Variants in TTC6 observed in about 807,000 individuals in gnomAD.
TTC6 encodes tetratricopeptide repeat domain 6.
Under a neutral mutation model 210.4 loss-of-function variants are expected in TTC6, and 172 were observed. That is an observed-to-expected ratio of 0.82 (90% CI 0.72 to 0.93). TTC6 has a LOEUF of 0.93. Ranked by LOEUF, TTC6 falls within the 40% of genes least tolerant of loss-of-function variation. The pLI is 0.00. For synonymous variants in TTC6, 804 were observed against 819.6 expected (o/e 0.98, Z 0.32); for missense variants, 2,414 against 2,318.1 (o/e 1.04, Z -0.85).
At chr14:37,611,990 A>ATT (rs1209014023) in intron 2 of TTC6, among the ~76,000 whole-genome samples, 1 of 133,948 alleles carries the variant, frequency 7.5e-6, no homozygotes, top group African/African-American at 2.8e-5. Flanking sequence ...GGAGATCAAT[A>ATT]GTTTTTTTTT....
intron 14 of TTC6, among the ~76,000 whole-genome samples, chr14:37,765,801 T>C (rs73254842): frequency 0.057 from 8,706 of 152,212 alleles, 560 homozygotes; most frequent in East Asian, 0.17. Context: ...TTTTGAAGGC[T>C]AGTTTGCCAG....
At chr14:37,624,718 TTC>T (rs2095657273) in intron 1 of TTC6, among the ~76,000 whole-genome samples, 1 of 151,988 alleles carries the variant, frequency 6.6e-6, no homozygotes, top group Admixed American at 6.6e-5. Context: ...ACCTCCTGGG[TTC>T]ACGCCATTCT....
At chr14:37,762,587 T>C (rs2095987670) in intron 14 of TTC6, among the ~76,000 whole-genome samples, 1 of 152,178 alleles carries the variant, frequency 6.6e-6, no homozygotes, top group Non-Finnish European at 1.5e-5. Flanking sequence ...TACCTGTTGG[T>C]CATTTATATG....
chr14:37,656,215 G>A lies in TTC6; in HGVS notation c.940-23936G>A, dbSNP rs141317799. Among the ~76,000 whole-genome samples, 546 of 152,238 alleles carry A rather than the reference G, an allele frequency of 3.6e-3. 4 individuals carry two copies. The highest frequency in any genetic ancestry group is 0.013 in the African/African-American group (525 of 41,544). On this transcript the variant is annotated intron_variant, in intron 1 of 30. Transcript: ENST00000553443. Reference sequence around the variant, plus strand: ...GAAGACAAATTTTCTTTTGTGAATGGCAAGTGGTCTCTGAAGTCAATTCCA... The same window carrying A: ...GAAGACAAATTTTCTTTTGTGAATGACAAGTGGTCTCTGAAGTCAATTCCA...
At chr14:37,707,344 T>TTTC (rs2095837395) in intron 5 of TTC6, among the ~76,000 whole-genome samples, 1 of 152,040 alleles carries the variant, frequency 6.6e-6, no homozygotes, top group South Asian at 2.1e-4. Flanking sequence ...TTGAGTAATG[T>TTTC]TTCTATTCTA....
chr14:37,669,567 C>A (rs1255758259), intron 1 of TTC6, among the ~76,000 whole-genome samples: 3 of 152,002 alleles, frequency 2.0e-5, no homozygotes, highest in Non-Finnish European at 4.4e-5. Context: ...TCTCTTACGA[C>A]ATGTATTATT....
At chr14:37,773,674 T>G (rs771270821) in intron 14 of TTC6, among the ~76,000 whole-genome samples, 1 of 152,184 alleles carries the variant, frequency 6.6e-6, no homozygotes, top group Non-Finnish European at 1.5e-5. Context: ...GTAGTATAGT[T>G]TCAAAATGGG....
exon 6 of TTC6, chr14:37,714,749 A>G: frequency 6.5e-7 from 1 of 1,535,650 alleles, no homozygotes; most frequent in East Asian, 2.4e-5. Flanking sequence ...GGCACAAGGA[A>G]CTAGAGAGCG....
At chr14:37,826,070 G>T in intron 27 of TTC6, 125 bp from the exon 30 acceptor site, 2 of 1,005,708 alleles carry the variant, frequency 2.0e-6, no homozygotes, top group Non-Finnish European at 2.8e-6. Context: ...TGGTTTGAAA[G>T]AACTTAGATT....
At chr14:37,771,977 T>G (rs1232992663) in intron 14 of TTC6, among the ~76,000 whole-genome samples, 1 of 152,032 alleles carries the variant, frequency 6.6e-6, no homozygotes, top group Non-Finnish European at 1.5e-5. Flanking sequence ...TACAGATGGG[T>G]TTTTGGTGTG....
intron 15 of TTC6, among the ~76,000 whole-genome samples, chr14:37,790,155 A>G (rs559502167): frequency 3.9e-5 from 6 of 152,180 alleles, no homozygotes; most frequent in East Asian, 1.9e-4. Context: ...TGGGATGTGC[A>G]TAGTCAAGCC....
intron 7 of TTC6, among the ~76,000 whole-genome samples, chr14:37,729,756 T>C (rs1663485709): frequency 6.6e-6 from 1 of 152,190 alleles, no homozygotes; most frequent in South Asian, 2.1e-4. Flanking sequence ...CGTCTACTTC[T>C]ACTTGAGCTG....
chr14:37,677,990 G>A (rs986286083), intron 1 of TTC6, among the ~76,000 whole-genome samples: 1 of 151,976 alleles, frequency 6.6e-6, no homozygotes, highest in African/African-American at 2.4e-5. Context: ...ATTCTGAAAT[G>A]TATATCATTT....
intron 1 of TTC6, among the ~76,000 whole-genome samples, chr14:37,653,781 G>T (rs1042971723): frequency 2.8e-4 from 43 of 152,212 alleles, no homozygotes; most frequent in African/African-American, 9.9e-4. Flanking sequence ...AAAATAATAA[G>T]AAAATATTTA....
intron 9 of TTC6, 35 bp from the exon 12 acceptor site, chr14:37,738,741 T>G: frequency 1.4e-6 from 2 of 1,413,214 alleles, no homozygotes; most frequent in Non-Finnish European, 1.8e-6. Flanking sequence ...TAAATTGATT[T>G]TACGTTTTTT....
chr14:37,670,852 A>G (rs192122113), intron 1 of TTC6, among the ~76,000 whole-genome samples: 4 of 152,300 alleles, frequency 2.6e-5, no homozygotes, highest in Admixed American at 1.3e-4. Flanking sequence ...ATAATAGGTA[A>G]TAATGAAGAA....
At chr14:37,724,060 A>G (rs1291731461) in intron 6 of TTC6, among the ~76,000 whole-genome samples, 1 of 152,178 alleles carries the variant, frequency 6.6e-6, no homozygotes, top group Non-Finnish European at 1.5e-5. Flanking sequence ...TTTATTTGGA[A>G]AAGAAATACA....
chr14:37,748,807 C>A, intron 10 of TTC6, 132 bp from the exon 13 acceptor site: 1 of 652,686 alleles, frequency 1.5e-6, no homozygotes, highest in Non-Finnish European at 2.5e-6. Context: ...AAAAGGAGAA[C>A]TTGCGCATAA....
intron 1 of TTC6, among the ~76,000 whole-genome samples, chr14:37,665,289 A>G (rs1339009204): frequency 6.6e-6 from 1 of 150,806 alleles, no homozygotes; most frequent in African/African-American, 2.4e-5. Flanking sequence ...GAAATGTGGT[A>G]TATATATACC....
Sources: gnomAD v4.1 joint callset for allele counts (sites outside exome capture counted in the v4.1 genomes callset) on GRCh38, gnomAD v4.1.1 for gene constraint, MANE v1.5 for transcripts, NCBI Gene and HGNC (gene_info 2026-07-23, HGNC 2026-07-21) for gene names.